Variants in WWOX observed in about 807,000 individuals in gnomAD.
WWOX encodes WW domain containing oxidoreductase.
WWOX carries 69 observed loss-of-function variants against 46.2 expected under a neutral mutation model. The ratio of observed to expected loss-of-function variants is 1.49; its 90% confidence interval spans 1.23 to 1.82. WWOX has a LOEUF of 1.82. WWOX is among the 40% of genes most tolerant of loss of function. WWOX has a pLI of 0.00. For missense variants in WWOX, 919 were observed against 542.6 expected (o/e 1.69, Z -6.89); for synonymous variants, 359 against 202.6 (o/e 1.77, Z -6.56).
rs1045569514 is a variant in WWOX at position 78,888,590 on chromosome 16, T to C, written c.1057-323018T>C. 2.0e-5 allele frequency among the ~76,000 whole-genome samples: 3 copies of C among 152,168 alleles called. No homozygotes were observed. In the South Asian group the frequency reaches 6.2e-4, roughly 31 times the overall value. ...TGTTAGTTTTGAGGATGGAGACAGC[T>C]GTCATTCTAATGAGGACTTAAATGT... On this transcript the variant is annotated intron_variant, in intron 8 of 8. Coordinates refer to ENST00000566780, the MANE Select transcript of WWOX (RefSeq NM_016373.4).
intron 8 of WWOX, among the ~76,000 whole-genome samples, chr16:78,762,607 C>T (rs1333988160): frequency 1.3e-5 from 2 of 152,084 alleles, no homozygotes; most frequent in Non-Finnish European, 2.9e-5. Flanking sequence ...ACAGGGGGCT[C>T]GGGGCACAGA....
chr16:79,062,102 G>A (rs375430931), intron 8 of WWOX, among the ~76,000 whole-genome samples: 33 of 152,220 alleles, frequency 2.2e-4, no homozygotes, highest in African/African-American at 7.0e-4. Context: ...CCCACCCCAC[G>A]TGATCTCATA....
chr16:79,045,239 A>G (rs1280159550), intron 8 of WWOX, among the ~76,000 whole-genome samples: 1 of 152,168 alleles, frequency 6.6e-6, no homozygotes, highest in Non-Finnish European at 1.5e-5. Flanking sequence ...TTTCAGCAAG[A>G]GCTTTCTAAG....
intron 8 of WWOX, among the ~76,000 whole-genome samples, chr16:78,697,027 G>A (rs1485235817): frequency 2.0e-5 from 3 of 152,152 alleles, no homozygotes; most frequent in Non-Finnish European, 4.4e-5. Flanking sequence ...GTATTCCATT[G>A]TATATTTATA....
chr16:78,730,286 T>C (rs1420603428), intron 8 of WWOX, among the ~76,000 whole-genome samples: 1 of 152,086 alleles, frequency 6.6e-6, no homozygotes, highest in Non-Finnish European at 1.5e-5. Context: ...CCATCCTTTT[T>C]TCCTCCTTCC....
intron 8 of WWOX, among the ~76,000 whole-genome samples, chr16:78,477,083 A>G (rs561790576): frequency 6.6e-6 from 1 of 152,302 alleles, no homozygotes; most frequent in Non-Finnish European, 1.5e-5. Flanking sequence ...TAGGCACTCA[A>G]AAGCATAAGA....
chr16:79,193,145 C>T (rs1225670861), intron 8 of WWOX, among the ~76,000 whole-genome samples: 1 of 152,232 alleles, frequency 6.6e-6, no homozygotes, highest in Non-Finnish European at 1.5e-5. Flanking sequence ...TGGGTGCTTT[C>T]TGCTGGAATC....
chr16:78,895,974 T>C (rs1377423990), intron 8 of WWOX: 1 of 152,204 alleles, frequency 6.6e-6, no homozygotes, highest in Non-Finnish European at 1.5e-5. Context: ...AGGAAACAGA[T>C]ACTCAATTCC....
intron 8 of WWOX, among the ~76,000 whole-genome samples, chr16:78,465,263 G>A (rs2084047368): frequency 6.6e-6 from 1 of 152,212 alleles, no homozygotes; most frequent in Admixed American, 6.5e-5. Flanking sequence ...AATCCTGGTT[G>A]GAAATCATAC....
intron 8 of WWOX, among the ~76,000 whole-genome samples, chr16:79,022,916 C>T (rs1044139674): frequency 6.6e-6 from 1 of 152,168 alleles, no homozygotes; most frequent in South Asian, 2.1e-4. Context: ...CATCAGTTTA[C>T]TCAGCTGAAA....
chr16:78,195,310 C>T (rs2036013711), intron 5 of WWOX, among the ~76,000 whole-genome samples: 1 of 152,176 alleles, frequency 6.6e-6, no homozygotes, highest in African/African-American at 2.4e-5. Flanking sequence ...CCTGGCAGTT[C>T]TACCCTAAGA....
At chr16:79,060,899 G>T (rs1407315837) in intron 8 of WWOX, among the ~76,000 whole-genome samples, 1 of 152,188 alleles carries the variant, frequency 6.6e-6, no homozygotes, top group Non-Finnish European at 1.5e-5. Context: ...GCCATTCTAA[G>T]AACTTCCATC....
At chr16:78,756,862 T>C (rs1325346795) in intron 8 of WWOX, 1 of 701,334 alleles carries the variant, frequency 1.4e-6, no homozygotes, top group Non-Finnish European at 2.6e-6. Flanking sequence ...ATTGCAGACA[T>C]CAGAGCATGT....
intron 8 of WWOX, among the ~76,000 whole-genome samples, chr16:78,722,758 G>C (rs563147629): frequency 6.1e-5 from 9 of 147,038 alleles, no homozygotes; most frequent in African/African-American, 2.3e-4. Context: ...ATCCTGTGAA[G>C]AGCTGGGTGT....
intron 3 of WWOX, among the ~76,000 whole-genome samples, chr16:78,114,619 A>T (rs72802909): frequency 0.019 from 2,838 of 152,178 alleles, 34 homozygotes; most frequent in Non-Finnish European, 0.029. Context: ...ATTGAAATCT[A>T]CTGAAAAGAG....
At chr16:78,416,591 T>C (rs923282309) in intron 6 of WWOX, among the ~76,000 whole-genome samples, 2 of 152,228 alleles carry the variant, frequency 1.3e-5, no homozygotes, top group African/African-American at 4.8e-5. Flanking sequence ...TTCCTTGGTT[T>C]GCTGAGGTTT....
At chr16:78,201,932 C>G (rs1176169040) in intron 5 of WWOX, among the ~76,000 whole-genome samples, 1 of 152,028 alleles carries the variant, frequency 6.6e-6, no homozygotes, top group Non-Finnish European at 1.5e-5. Context: ...AACTCCTAAA[C>G]TCAGGCAGTC....
At position 78,625,776 on chromosome 16, in the gene WWOX, T is replaced by G. The variant is rs573299158; in HGVS notation, c.1056+193024T>G. On this transcript the variant is annotated intron_variant, in intron 8 of 8. Transcript: ENST00000566780. ...CCATTTGCCAATTACTTTTGCAGTT[T>G]TTGCCAGTACTTAAAAGTAATGGCA... Among the ~76,000 whole-genome samples, 62 of 132,610 alleles carry G rather than the reference T, an allele frequency of 4.7e-4. 1 individual carries two copies. The highest frequency in any genetic ancestry group is 4.0e-3 in the Middle Eastern group (1 of 252). The allele number at this position is 132,610 out of a possible 152,430, so 87.0% of individuals were successfully genotyped here. A position where few individuals can be genotyped will look rare whatever the true frequency, so the allele number is the denominator to read the frequency against.
At chr16:79,026,061 A>G (rs541995213) in intron 8 of WWOX, among the ~76,000 whole-genome samples, 2 of 151,460 alleles carry the variant, frequency 1.3e-5, no homozygotes, top group South Asian at 4.1e-4. Context: ...TTGGCCTCCC[A>G]AAATGCTGGG....
Sources: allele counts gnomAD v4.1 joint callset (sites outside exome capture counted in the v4.1 genomes callset), GRCh38; gene constraint gnomAD v4.1.1; transcripts MANE v1.5; gene names NCBI Gene and HGNC (gene_info 2026-07-23, HGNC 2026-07-21).